CCDC141: variants seen among roughly 807,000 people sequenced by gnomAD.
CCDC141 encodes the protein coiled-coil domain containing 141.
A neutral mutation model predicts 181.0 loss-of-function variants in CCDC141; 168 were observed. That is an observed-to-expected ratio of 0.93 (90% CI 0.82 to 1.05). CCDC141 has a LOEUF of 1.05. CCDC141 is among the 50% of genes least tolerant of loss of function. The pLI is 0.00. For missense variants in CCDC141, 1,902 were observed against 1,788.5 expected (o/e 1.06, Z -1.14); for synonymous variants, 666 against 642.3 (o/e 1.04, Z -0.56).
intron 2 of CCDC141, among the ~76,000 whole-genome samples, chr2:178,996,969 C>G (rs1692317690): frequency 6.6e-6 from 1 of 152,160 alleles, no homozygotes; most frequent in South Asian, 2.1e-4. Flanking sequence ...CAAATACCAT[C>G]TGAAATACTG....
At position 178,965,575 on chromosome 2, in the gene CCDC141, A is replaced by G. The variant is rs145641244; in HGVS notation, c.527-4092T>C. 1.8e-3 allele frequency among the ~76,000 whole-genome samples: 270 copies of G among 152,072 alleles called. 5 individuals are homozygous for G. The South Asian group carries it at 0.023, about 13-fold the overall frequency. On this transcript the variant is annotated intron_variant, in intron 4 of 23. Coordinates refer to ENST00000443758, the MANE Select transcript of CCDC141 (RefSeq NM_173648.4). Reference sequence around the variant, plus strand: ...GAAGCCGTGAGGGACAGCCTGAGGAACTCCGGCACAGATACTGTGCTTGTC... The same window carrying G: ...GAAGCCGTGAGGGACAGCCTGAGGAGCTCCGGCACAGATACTGTGCTTGTC...
intron 17 of CCDC141, among the ~76,000 whole-genome samples, chr2:178,862,803 C>T (rs566100494): frequency 2.9e-4 from 44 of 152,298 alleles, no homozygotes; most frequent in African/African-American, 1.0e-3. Context: ...AGGCACATCA[C>T]ATTACATTTT....
Position 178,853,440 on chromosome 2 carries a change from C to T in CCDC141, c.3244+1G>A, listed in dbSNP as rs1244838930. On this transcript the variant is annotated splice_donor_variant, in intron 20 of 23. Transcript: ENST00000443758. LOFTEE classifies it high-confidence loss of function. ...ACTGGATATCTTAAAAGAGATCTCA[C>T]CATATAAGTGCTGAGCAAGGTCAGT... The T allele has an allele frequency of 6.2e-7, 1 of 1,613,210 alleles. No individual in the cohort carries two copies. Among genetic ancestry groups the T allele is most frequent in the Non-Finnish European group, 8.5e-7 (1 of 1,179,442 alleles).
At chr2:178,891,125 A>C (rs1687128153) in intron 8 of CCDC141, among the ~76,000 whole-genome samples, 1 of 152,310 alleles carries the variant, frequency 6.6e-6, no homozygotes, top group Non-Finnish European at 1.5e-5. Flanking sequence ...ATTCATGATT[A>C]GTTATACATG....
At chr2:178,873,107 C>A (rs1440601318) in intron 12 of CCDC141, 1 of 152,122 alleles carries the variant, frequency 6.6e-6, no homozygotes. Flanking sequence ...ATGTTTTTTA[C>A]TTTAATAGCC....
chr2:178,988,886 AG>A (rs1406664329), intron 2 of CCDC141, among the ~76,000 whole-genome samples: 2 of 152,206 alleles, frequency 1.3e-5, no homozygotes, highest in Non-Finnish European at 2.9e-5. Flanking sequence ...CAATGGTGTC[AG>A]GACCATTCAA....
chr2:178,899,700 G>A (rs1687591309), intron 8 of CCDC141, among the ~76,000 whole-genome samples: 1 of 152,182 alleles, frequency 6.6e-6, no homozygotes, highest in East Asian at 1.9e-4. Flanking sequence ...GCACTCAGAA[G>A]TCTCAGAAGC....
intron 2 of CCDC141, among the ~76,000 whole-genome samples, chr2:178,980,090 T>A (rs867470901): frequency 2.6e-5 from 4 of 152,202 alleles, no homozygotes; most frequent in Non-Finnish European, 4.4e-5. Context: ...ACTGATTTTT[T>A]AAGTTTTGAT....
At chr2:178,821,909 A>G in the CCDC141 span, among the ~76,000 whole-genome samples, 1 of 152,198 alleles carries the variant, frequency 6.6e-6, no homozygotes, top group Non-Finnish European at 1.5e-5. Context: ...ATTACTGGGT[A>G]TATACCCAAA....
chr2:179,027,586 A>T (rs1016094172), intron 2 of CCDC141, among the ~76,000 whole-genome samples: 1 of 131,974 alleles, frequency 7.6e-6, no homozygotes, highest in African/African-American at 2.8e-5. Flanking sequence ...TGGAGGTCGC[A>T]GTGAGCCAAG....
chr2:178,827,812 G>A (rs1396832323), downstream of CCDC141, among the ~76,000 whole-genome samples: 1 of 152,200 alleles, frequency 6.6e-6, no homozygotes, highest in African/African-American at 2.4e-5. Context: ...GCACCACAAA[G>A]AGGGTGGCTT....
intron 5 of CCDC141, among the ~76,000 whole-genome samples, chr2:178,953,020 A>G (rs977216755): frequency 1.3e-5 from 2 of 152,252 alleles, no homozygotes; most frequent in Non-Finnish European, 2.9e-5. Context: ...ACATGAAAAT[A>G]AAAGGTAATG....
chr2:178,940,074 A>G (rs977649431), intron 6 of CCDC141, among the ~76,000 whole-genome samples: 5 of 152,226 alleles, frequency 3.3e-5, no homozygotes, highest in African/African-American at 1.2e-4. Flanking sequence ...GTAAAACAGA[A>G]AACCATTTAT....
intron 12 of CCDC141, among the ~76,000 whole-genome samples, chr2:178,872,833 G>A (rs920529321): frequency 6.6e-6 from 1 of 152,070 alleles, no homozygotes; most frequent in Non-Finnish European, 1.5e-5. Context: ...TCCATTTTGT[G>A]AGAACTGAAA....
At chr2:179,043,748 C>A (rs1237444655) in intron 2 of CCDC141, among the ~76,000 whole-genome samples, 3 of 152,198 alleles carry the variant, frequency 2.0e-5, no homozygotes, top group Admixed American at 1.3e-4. Context: ...TGGAAGCATT[C>A]TCCTCGTATA....
At chr2:178,850,853 T>TA (rs2154367114) in intron 20 of CCDC141, among the ~76,000 whole-genome samples, 1 of 152,362 alleles carries the variant, frequency 6.6e-6, no homozygotes, top group East Asian at 1.9e-4. Flanking sequence ...TTGCTCAATG[T>TA]AATCCTTGGA....
At chr2:178,824,061 AACACAC>A in the CCDC141 span, among the ~76,000 whole-genome samples, 1 of 147,426 alleles carries the variant, frequency 6.8e-6, no homozygotes, top group African/African-American at 2.5e-5. Context: ...TACAGAGAAA[AACACAC>A]ACACACACAC....
At position 178,837,305 on chromosome 2, in the gene CCDC141, A is replaced by C; in HGVS notation, c.3914T>G (p.Phe1305Cys). Residue 1305 changes from phenylalanine to cysteine, a missense_variant, in exon 23 of 24, where the codon TTC (phenylalanine) becomes TGC (cysteine). Coordinates refer to ENST00000443758, the MANE Select transcript of CCDC141 (RefSeq NM_173648.4). Reference sequence around the variant, plus strand: ...GTGTAAGGCAGTACTCTTTTCCACGAATCCTCTGGAGGTTAGTGGGGGCTC... The same window carrying C: ...GTGTAAGGCAGTACTCTTTTCCACGCATCCTCTGGAGGTTAGTGGGGGCTC... ...KAEPPLTSRG[F>C]VEKSTALHRI... 6.2e-7 allele frequency: 1 copy of C among 1,614,076 alleles called. No homozygotes were observed. The highest frequency in any genetic ancestry group is 8.5e-7 in the Non-Finnish European group (1 of 1,179,982).
At chr2:178,851,205 CAAAA>C (rs3045634) in intron 20 of CCDC141, among the ~76,000 whole-genome samples, 6 of 103,790 alleles carry the variant, frequency 5.8e-5, no homozygotes, top group Non-Finnish European at 5.9e-5. Flanking sequence ...GACTTTGTCT[CAAAA>C]AAAAAAAAAA....
Sources: gnomAD v4.1 joint callset for allele counts (sites outside exome capture counted in the v4.1 genomes callset) on GRCh38, gnomAD v4.1.1 for gene constraint, MANE v1.5 for transcripts, NCBI Gene and HGNC (gene_info 2026-07-23, HGNC 2026-07-21) for gene names.